The following GRIN2B variants were observed in gnomAD, a reference collection of about 807,000 sequenced individuals.
The protein encoded by GRIN2B is glutamate ionotropic receptor NMDA type subunit 2B, also known as glutamate receptor ionotropic, NMDA 2B.
GRIN2B carries 5 observed loss-of-function variants against 114.5 expected under a neutral mutation model. The observed-to-expected ratio is 0.04, with a 90% CI of 0.02 to 0.09. The LOEUF (loss-of-function observed/expected upper bound fraction) is 0.09, where lower values mean the gene tolerates loss of function less well. Ranked by LOEUF, GRIN2B falls within the 10% of genes least tolerant of loss-of-function variation. The pLI is 1.00. For synonymous variants in GRIN2B, 787 were observed against 745.1 expected (o/e 1.06, Z -0.92); for missense variants, 1,108 against 1,943.5 (o/e 0.57, Z 8.08).
chr12:13,761,256 A>G (rs894787885), intron 3 of GRIN2B, among the ~76,000 whole-genome samples: 3 of 152,176 alleles, frequency 2.0e-5, no homozygotes, highest in African/African-American at 7.2e-5. Context: ...TCAGAAGATA[A>G]TTGTCCTTTC....
intron 2 of GRIN2B, among the ~76,000 whole-genome samples, chr12:13,884,637 T>C (rs1297404241): frequency 2.0e-5 from 3 of 152,114 alleles, no homozygotes; most frequent in Non-Finnish European, 4.4e-5. Flanking sequence ...TAAAAATTTT[T>C]ATAGAACTAG....
chr12:13,874,715 T>G (rs541161466), intron 2 of GRIN2B, among the ~76,000 whole-genome samples: 7 of 152,302 alleles, frequency 4.6e-5, no homozygotes, highest in Non-Finnish European at 1.0e-4. Context: ...TAATAAAAAT[T>G]ATTGGCTTGT....
chr12:13,953,572 A>G (rs1867534535), intron 2 of GRIN2B, among the ~76,000 whole-genome samples: 1 of 152,198 alleles, frequency 6.6e-6, no homozygotes, highest in Admixed American at 6.5e-5. Flanking sequence ...GGATTTACCA[A>G]TGGAGATACT....
chr12:13,610,371 C>G (rs1446858391), intron 9 of GRIN2B, among the ~76,000 whole-genome samples: 2 of 152,162 alleles, frequency 1.3e-5, no homozygotes, highest in Non-Finnish European at 2.9e-5. Context: ...TTTTCGGCTC[C>G]TGTTATTTTT....
At chr12:13,750,926 G>C (rs988568158) in intron 4 of GRIN2B, among the ~76,000 whole-genome samples, 11 of 152,184 alleles carry the variant, frequency 7.2e-5, no homozygotes, top group Non-Finnish European at 7.3e-5. Context: ...ACAAGATGTA[G>C]TGAAGGCAAA....
chr12:13,956,393 C>T lies in GRIN2B; in HGVS notation c.-19+23535G>A, dbSNP rs150402848. Among the ~76,000 whole-genome samples the T allele has an allele frequency of 1.1e-3, 169 of 152,286 alleles. 2 individuals are homozygous for T. The highest frequency in any genetic ancestry group is 1.6e-4 in the Non-Finnish European group (11 of 68,022). ...TAGATCTCTGATTTAAATGACAACT[C>T]GTGGCAATTTGAGTTATGTTCTTAA... is the stretch of plus-strand genomic sequence containing the variant. On this transcript the variant is annotated intron_variant, in intron 2 of 13. Transcript: ENST00000609686.
chr12:13,750,750 A>C (rs964002132), intron 4 of GRIN2B, among the ~76,000 whole-genome samples: 1 of 152,204 alleles, frequency 6.6e-6, no homozygotes, highest in African/African-American at 2.4e-5. Flanking sequence ...GTGTGCACTG[A>C]GTCTTGGAGG....
At chr12:13,882,397 T>C (rs1260057641) in intron 2 of GRIN2B, among the ~76,000 whole-genome samples, 1 of 152,166 alleles carries the variant, frequency 6.6e-6, no homozygotes, top group Non-Finnish European at 1.5e-5. Context: ...AGAAGCCAAG[T>C]AAGCCATAAC....
At chr12:13,579,309 A>C (rs943078490) in intron 10 of GRIN2B, among the ~76,000 whole-genome samples, 1 of 152,200 alleles carries the variant, frequency 6.6e-6, no homozygotes, top group Non-Finnish European at 1.5e-5. Flanking sequence ...TTTAGAGTTC[A>C]TAATATAAGG....
chr12:13,688,571 C>T (rs1349368150), intron 4 of GRIN2B, among the ~76,000 whole-genome samples: 1 of 152,170 alleles, frequency 6.6e-6, no homozygotes, highest in Non-Finnish European at 1.5e-5. Context: ...AAAAACCACA[C>T]AGCAGTAAGC....
rs565515136 is a variant in GRIN2B at position 13,814,823 on chromosome 12, A to G, written c.411+50975T>C. ...TTTAAATTGAAATCTAAATAGCCAC[A>G]TTTGGCTAGTGGCTACTGTACTGGT... On this transcript the variant is annotated intron_variant, in intron 3 of 13. Transcript: ENST00000609686. 2.0e-5 allele frequency among the ~76,000 whole-genome samples: 3 copies of G among 152,320 alleles called. No homozygotes were observed. In the South Asian group the frequency reaches 6.2e-4, roughly 32 times the overall value.
chr12:13,715,015 T>C (rs1177732795), intron 4 of GRIN2B, among the ~76,000 whole-genome samples: 1 of 151,930 alleles, frequency 6.6e-6, no homozygotes, highest in African/African-American at 2.4e-5. Flanking sequence ...AGTAAAAGAT[T>C]GCTTCTCGTA....
At chr12:13,742,001 G>A (rs1375304358) in intron 4 of GRIN2B, among the ~76,000 whole-genome samples, 1 of 152,114 alleles carries the variant, frequency 6.6e-6, no homozygotes, top group Non-Finnish European at 1.5e-5. Flanking sequence ...GTATTTTAAA[G>A]TACAGGCTTT....
intron 10 of GRIN2B, among the ~76,000 whole-genome samples, chr12:13,577,900 T>C (rs1201943665): frequency 6.6e-6 from 1 of 152,218 alleles, no homozygotes; most frequent in Admixed American, 6.5e-5. Flanking sequence ...CTTTTTCATT[T>C]CATGTATTTA....
In GRIN2B at chr12:13,553,560, G is replaced by A. The variant is rs1565447545; in HGVS notation, c.*9223C>T. ...CAGTTCCCCCAAGGCCACAAATGTG[G>A]AAGTAGCGTGTGGTGAAATACAGTG... On this transcript the variant is annotated 3_prime_UTR_variant, in exon 14 of 14. Transcript: ENST00000609686. 1 of 152,216 alleles carries A rather than the reference G, an allele frequency of 6.6e-6. No individual in the cohort carries two copies. Among genetic ancestry groups the A allele is most frequent in the Non-Finnish European group, 1.5e-5 (1 of 68,044 alleles). The allele number at this position is 152,216 out of a possible 1,614,324, so 9.4% of individuals were successfully genotyped here. A position where few individuals can be genotyped will look rare whatever the true frequency, so the allele number is the denominator to read the frequency against.
intron 5 of GRIN2B, among the ~76,000 whole-genome samples, chr12:13,630,934 T>C (rs1056903363): frequency 6.6e-6 from 1 of 152,118 alleles, no homozygotes; most frequent in Non-Finnish European, 1.5e-5. Context: ...CTCAAAATCA[T>C]GGTGGAAAGC....
rs923357771 is a variant in GRIN2B at position 13,557,731 on chromosome 12, C to T, written c.*5052G>A. 3 of 152,226 alleles carry T rather than the reference C, an allele frequency of 2.0e-5. No individual in the cohort carries two copies. The highest frequency in any genetic ancestry group is 4.8e-5 in the African/African-American group (2 of 41,466). The allele number at this position is 152,226 out of a possible 1,614,324, so 9.4% of individuals were successfully genotyped here. A position where few individuals can be genotyped will look rare whatever the true frequency, so the allele number is the denominator to read the frequency against. Reference sequence around the variant, plus strand: ...TTTAAATGTCTTTGCCATCTAGAACCTGTATCCTTGTTCCCTACTCTATTG... The same window carrying T: ...TTTAAATGTCTTTGCCATCTAGAACTTGTATCCTTGTTCCCTACTCTATTG... On this transcript the variant is annotated 3_prime_UTR_variant, in exon 14 of 14. Coordinates refer to ENST00000609686, the MANE Select transcript of GRIN2B (RefSeq NM_000834.5).
chr12:13,915,021 A>G (rs983193214), intron 2 of GRIN2B, among the ~76,000 whole-genome samples: 1 of 152,182 alleles, frequency 6.6e-6, no homozygotes, highest in African/African-American at 2.4e-5. Flanking sequence ...GCAATAATCT[A>G]TTGTATATTT....
chr12:13,964,390 C>T (rs894832098), intron 2 of GRIN2B, among the ~76,000 whole-genome samples: 4 of 152,182 alleles, frequency 2.6e-5, no homozygotes, highest in African/African-American at 4.8e-5. Context: ...AGAGGCCCTG[C>T]CCTTGGCCAC....
Sources: allele counts gnomAD v4.1 joint callset (sites outside exome capture counted in the v4.1 genomes callset), GRCh38; gene constraint gnomAD v4.1.1; transcripts MANE v1.5; gene names NCBI Gene and HGNC (gene_info 2026-07-23, HGNC 2026-07-21).